PPP2R5E: variants seen among roughly 807,000 people sequenced by gnomAD.
The protein encoded by PPP2R5E is serine/threonine-protein phosphatase 2A 56 kDa regulatory subunit epsilon isoform.
PPP2R5E carries 4 observed loss-of-function variants against 65.3 expected under a neutral mutation model. That is an observed-to-expected ratio of 0.06 (90% CI 0.03 to 0.14). The LOEUF (loss-of-function observed/expected upper bound fraction) is 0.14. PPP2R5E is among the 10% of genes least tolerant of loss of function. The pLI is 1.00. For synonymous variants in PPP2R5E, 183 were observed against 187.4 expected (o/e 0.98, Z 0.19); for missense variants, 274 against 556.1 (o/e 0.49, Z 5.10).
At chr14:63,468,671 A>C (rs1213803022) in intron 2 of PPP2R5E, among the ~76,000 whole-genome samples, 1 of 146,990 alleles carries the variant, frequency 6.8e-6, no homozygotes, top group African/African-American at 2.6e-5. Flanking sequence ...AATCAGGTTT[A>C]TGCAAAATGT....
chr14:63,480,168 G>C (rs1056633987), intron 2 of PPP2R5E, among the ~76,000 whole-genome samples: 5 of 152,046 alleles, frequency 3.3e-5, no homozygotes, highest in African/African-American at 1.2e-4. Flanking sequence ...CTTAAGAGTT[G>C]GGGTCTCGGC....
At chr14:63,512,161 T>C (rs1400758295) in intron 2 of PPP2R5E, among the ~76,000 whole-genome samples, 2 of 150,826 alleles carry the variant, frequency 1.3e-5, no homozygotes, top group Non-Finnish European at 2.9e-5. Context: ...ATCTTTTCAA[T>C]GTCCCACACA....
At chr14:63,471,242 C>G (rs529151656) in intron 2 of PPP2R5E, among the ~76,000 whole-genome samples, 3 of 152,192 alleles carry the variant, frequency 2.0e-5, no homozygotes, top group African/African-American at 4.8e-5. Context: ...CCAGAAGAAC[C>G]TCATTCATAC....
Position 63,415,131 on chromosome 14 carries a change from T to A in PPP2R5E, c.549+9A>T, listed in dbSNP as rs760629704. 1.2e-5 allele frequency: 18 copies of A among 1,534,084 alleles called. No individual in the cohort carries two copies. Among genetic ancestry groups the A allele is most frequent in the Middle Eastern group, 1.7e-4 (1 of 5,918 alleles). On this transcript the variant is annotated intron_variant, in intron 5 of 13. Coordinates refer to ENST00000337537, the MANE Select transcript of PPP2R5E (RefSeq NM_006246.5). The stretch of plus-strand genomic sequence containing the variant: ...TGACAAATACACACAACCACAATAA[T>A]TTGCTTACCTGTAATACAAATTTCT...
rs756812498 is a variant in PPP2R5E, at chr14:63,392,033, AAAAAT to A, written c.850-13_850-9del. 30 of 1,591,032 alleles carry A rather than the reference AAAAAT, an allele frequency of 1.9e-5. No individual in the cohort carries two copies. Among genetic ancestry groups the A allele is most frequent in the Admixed American group, 5.4e-5 (3 of 55,334 alleles). ...TACTATACAATATGCCAGCTGAGTA[AAAAAT>A]AAAATAAAAGGCAAAATTTTAAATT... On this transcript the variant is annotated splice_polypyrimidine_tract_variant and intron_variant, in intron 8 of 13. Coordinates refer to ENST00000337537, the MANE Select transcript of PPP2R5E (RefSeq NM_006246.5).
intron 3 of PPP2R5E, among the ~76,000 whole-genome samples, chr14:63,445,616 G>A (rs190487039): frequency 0.01 from 1,537 of 152,144 alleles, 33 homozygotes; most frequent in African/African-American, 0.035. Flanking sequence ...AAGCTGAGGC[G>A]GGCAGATCAC....
At chr14:63,526,371 CTA>C (rs1893183907) in intron 2 of PPP2R5E, among the ~76,000 whole-genome samples, 2 of 152,078 alleles carry the variant, frequency 1.3e-5, no homozygotes, top group Non-Finnish European at 2.9e-5. Flanking sequence ...TTAAACATCT[CTA>C]TGTTTGTATA....
chr14:63,397,776 T>C (rs1594828490), intron 5 of PPP2R5E, among the ~76,000 whole-genome samples: 1 of 149,856 alleles, frequency 6.7e-6, no homozygotes, highest in African/African-American at 2.5e-5. Context: ...CAGGCTGGAG[T>C]GCAGTGGCAC....
At chr14:63,473,311 A>T (rs1890221529) in intron 2 of PPP2R5E, among the ~76,000 whole-genome samples, 1 of 152,232 alleles carries the variant, frequency 6.6e-6, no homozygotes, top group African/African-American at 2.4e-5. Context: ...GAGTTTTCCC[A>T]TAAAGGTGAA....
intron 2 of PPP2R5E, 41 bp downstream of exon 2, chr14:63,539,488 A>C: frequency 6.3e-7 from 1 of 1,586,962 alleles, no homozygotes; most frequent in Admixed American, 1.8e-5. Context: ...ATGTAGAAAG[A>C]TCAATTGAAA....
rs756082798 is a variant in PPP2R5E at position 63,453,872 on chromosome 14, T to A, written c.171A>T (p.Ser57=). ...TCTTTAGGAACAGTTCAGGCTGCTC[T>A]GAGGATGGAACGTCTAAGAAAAAAA... ...PLPLLKDVPS[S]EQPELFLKKL... Residue 57 remains serine (S), a synonymous_variant, in exon 3 of 14, where the codon TCA becomes TCT. Coordinates refer to ENST00000337537, the MANE Select transcript of PPP2R5E (RefSeq NM_006246.5). The A allele has an allele frequency of 6.8e-7, 1 of 1,461,830 alleles. No homozygotes were observed. 90.6% of individuals were successfully genotyped at this position (1,461,830 alleles called of 1,614,324 possible).
chr14:63,519,567 G>T (rs532969047), intron 2 of PPP2R5E, among the ~76,000 whole-genome samples: 2 of 150,400 alleles, frequency 1.3e-5, no homozygotes. Flanking sequence ...TTGGCCAGGG[G>T]GGTCTCGAAC....
chr14:63,487,191 C>T (rs148204482), intron 2 of PPP2R5E, among the ~76,000 whole-genome samples: 8 of 152,264 alleles, frequency 5.3e-5, no homozygotes, highest in East Asian at 1.9e-4. Flanking sequence ...TAACACAAAA[C>T]CAGTATCCTA....
At chr14:63,517,486 T>C (rs568314665) in intron 2 of PPP2R5E, among the ~76,000 whole-genome samples, 61 of 152,234 alleles carry the variant, frequency 4.0e-4, no homozygotes, top group Non-Finnish European at 7.4e-4. Context: ...AACTCCACAG[T>C]CCTTTATTTA....
intron 4 of PPP2R5E, among the ~76,000 whole-genome samples, chr14:63,421,520 G>T (rs979916235): frequency 6.6e-6 from 1 of 152,146 alleles, no homozygotes; most frequent in Non-Finnish European, 1.5e-5. Flanking sequence ...CTTCCTTACA[G>T]TACTGTGAAC....
intron 3 of PPP2R5E, among the ~76,000 whole-genome samples, chr14:63,426,277 C>G (rs1887328728): frequency 6.6e-6 from 1 of 152,144 alleles, no homozygotes; most frequent in African/African-American, 2.4e-5. Context: ...AGTGAAAAAG[C>G]TACTTAAAGC....
At chr14:63,502,012 G>A (rs1304774115) in intron 2 of PPP2R5E, among the ~76,000 whole-genome samples, 10 of 151,870 alleles carry the variant, frequency 6.6e-5, no homozygotes, top group Non-Finnish European at 1.3e-4. Flanking sequence ...CTTCTGTCTC[G>A]GCCTCCCGAG....
chr14:63,473,817 C>A (rs1434364726), intron 2 of PPP2R5E, among the ~76,000 whole-genome samples: 1 of 152,074 alleles, frequency 6.6e-6, no homozygotes, highest in Non-Finnish European at 1.5e-5. Context: ...TTGACTTTAA[C>A]ATTAAATTCT....
At chr14:63,438,556 TG>T (rs1311181065) in intron 3 of PPP2R5E, among the ~76,000 whole-genome samples, 1 of 151,810 alleles carries the variant, frequency 6.6e-6, no homozygotes, top group African/African-American at 2.4e-5. Flanking sequence ...TGCCAGCCAC[TG>T]GGGGGAGGGG....
Sources: gnomAD v4.1 joint callset for allele counts (sites outside exome capture counted in the v4.1 genomes callset) on GRCh38, gnomAD v4.1.1 for gene constraint, MANE v1.5 for transcripts, NCBI Gene and HGNC (gene_info 2026-07-23, HGNC 2026-07-21) for gene names.